Variants in JAG1 observed in about 807,000 individuals in gnomAD.
JAG1 encodes the protein jagged canonical Notch ligand 1.
JAG1 carries 23 observed loss-of-function variants against 148.7 expected under a neutral mutation model. The ratio of observed to expected loss-of-function variants is 0.15; its 90% CI spans 0.11 to 0.22. The LOEUF (loss-of-function observed/expected upper bound fraction) is 0.22, where lower values mean the gene tolerates loss of function less well. Among genes scored for constraint, JAG1 ranks in the 10% least tolerant of loss-of-function variants. JAG1 has a pLI of 1.00. For synonymous variants in JAG1, 572 were observed against 598.3 expected, an observed-to-expected ratio of 0.96 and a Z score of 0.64; for missense variants, 1,054 against 1,611.2, an observed-to-expected ratio of 0.65 and a Z score of 5.92.
chr20:10,666,023 T>G (rs1997814), intron 2 of JAG1, among the ~76,000 whole-genome samples: 111,289 of 151,996 alleles, frequency 0.73, 40,896 homozygotes, highest in Middle Eastern at 0.89. Flanking sequence ...TGATTTTCCA[T>G]GAACTGCCCT....
chr20:10,671,747 A>C (rs1465135577), intron 2 of JAG1, among the ~76,000 whole-genome samples: 1 of 152,158 alleles, frequency 6.6e-6, no homozygotes, highest in Non-Finnish European at 1.5e-5. Flanking sequence ...CCCCTTCTGC[A>C]ATCGCACCCA....
intron 2 of JAG1, 103 bp from the exon 3 acceptor site, chr20:10,664,117 A>C: frequency 1.1e-6 from 1 of 890,462 alleles, no homozygotes; most frequent in Non-Finnish European, 1.9e-6. Context: ...CAAAACCATA[A>C]TGCCAAAATA....
chr20:10,641,778 C>T lies in JAG1; in HGVS notation c.2682+5G>A, dbSNP rs1173608161. 1.2e-6 allele frequency: 2 copies of T among 1,612,624 alleles called. No individual in the cohort carries two copies. On this transcript the variant is annotated splice_donor_5th_base_variant and intron_variant, in intron 22 of 25. Coordinates refer to ENST00000254958, the MANE Select transcript of JAG1 (RefSeq NM_000214.3). ...AGGTGAACTGCGGCAGCCATCATGT[C>T]CTACCTTTGAGCAGGCGATCCGTCC...
Position 10,648,687 on chromosome 20 carries a change from A to G in JAG1, c.1431T>C (p.Pro477=). 1 of 1,614,250 alleles carries G rather than the reference A, an allele frequency of 6.2e-7. No homozygotes were observed. Among genetic ancestry groups the G allele is most frequent in the Non-Finnish European group, 8.5e-7 (1 of 1,180,046 alleles). The stretch of plus-strand genomic sequence containing the variant: ...TCTCACAGTGATCGCCTGCATAGCC[A>G]GGTGGACAGATACAGCGATAACCAT... ...LVNGYRCICP[P]GYAGDHCERD... is the part of the protein sequence containing the mutation. The change falls in exon 12 of 26, where the codon CCT becomes CCC. Residue 477 remains proline (P), a synonymous_variant. Coordinates refer to ENST00000254958, the MANE Select transcript of JAG1 (RefSeq NM_000214.3).
chr20:10,653,069 G>A (rs192560410), intron 5 of JAG1, among the ~76,000 whole-genome samples: 7 of 152,086 alleles, frequency 4.6e-5, no homozygotes, highest in South Asian at 4.2e-4. Flanking sequence ...GCCACCAAGT[G>A]CAGCAGGAAA....
At chr20:10,656,600 G>A (rs2122620756) in intron 4 of JAG1, 142 bp from the exon 5 acceptor site, 3 of 695,678 alleles carry the variant, frequency 4.3e-6, no homozygotes, top group Non-Finnish European at 7.7e-6. Context: ...AGGAGAGGAA[G>A]ATGGGAGGGG....
At chr20:10,655,749 GT>G (rs562779721) in intron 5 of JAG1, among the ~76,000 whole-genome samples, 6 of 152,256 alleles carry the variant, frequency 3.9e-5, no homozygotes, top group African/African-American at 1.4e-4. Flanking sequence ...CCAAACGGGC[GT>G]AATATAAATT....
At chr20:10,646,856 G>T in intron 14 of JAG1, 83 bp downstream of exon 14, 669 of 1,128,156 alleles carry the variant, frequency 5.9e-4, no homozygotes, top group Non-Finnish European at 8.3e-4. Context: ...CAACACCAAT[G>T]ATCCCAGGGT....
Position 10,652,807 on chromosome 20 carries a change from G to T in JAG1, c.756-209C>A, listed in dbSNP as rs949596077. ...CCTCCCAGCCGACTCCTGACAAAAGGAGGGCTGTTTGGGAAGAGGCCAGCA... is the reference window on the plus strand; with the variant it reads ...CCTCCCAGCCGACTCCTGACAAAAGTAGGGCTGTTTGGGAAGAGGCCAGCA... On this transcript the variant is annotated intron_variant, in intron 5 of 25. Transcript: ENST00000254958. 3 of 491,910 alleles carry T rather than the reference G, an allele frequency of 6.1e-6. No individual in the cohort carries two copies. The Admixed American group carries it at 9.4e-5, about 15-fold the overall frequency. The allele number at this position is 491,910 out of a possible 1,614,324, so 30.5% of individuals were successfully genotyped here. A position where few individuals can be genotyped will look rare whatever the true frequency, so the allele number is the denominator to read the frequency against.
intron 6 of JAG1, 39 bp from the exon 7 acceptor site, chr20:10,652,289 G>A (rs1173110975): frequency 1.2e-6 from 2 of 1,611,980 alleles, no homozygotes; most frequent in African/African-American, 1.3e-5. Flanking sequence ...AGACGCCTGT[G>A]AAGATGGCGA....
chr20:10,648,317 G>T (rs1049447055), intron 12 of JAG1, among the ~76,000 whole-genome samples: 1 of 152,176 alleles, frequency 6.6e-6, no homozygotes, highest in Non-Finnish European at 1.5e-5. Context: ...GGGAGCACAA[G>T]AGGGGGTGGA....
In JAG1 at chr20:10,638,075, G is replaced by GGACA. The variant is rs1354793283; in HGVS notation, c.*1419_*1422dup. 1 of 152,592 alleles carries GGACA rather than the reference G, an allele frequency of 6.6e-6. No individual in the cohort carries two copies. Among genetic ancestry groups the GGACA allele is most frequent in the African/African-American group, 2.4e-5 (1 of 41,422 alleles). 9.5% of individuals were successfully genotyped at this position (152,592 alleles called of 1,614,324 possible). ...TTTGTATGTTCATATAACACTAATA[G>GGACA]GACAATACAAAGTATCTTCACGGTC... On this transcript the variant is annotated 3_prime_UTR_variant, in exon 26 of 26. Coordinates refer to ENST00000254958, the MANE Select transcript of JAG1 (RefSeq NM_000214.3).
intron 3 of JAG1, among the ~76,000 whole-genome samples, chr20:10,661,466 G>A (rs939548111): frequency 2.0e-5 from 3 of 152,174 alleles, no homozygotes; most frequent in Non-Finnish European, 4.4e-5. Flanking sequence ...CATGTGCAAA[G>A]GTCCTGAGGC....
In JAG1 at chr20:10,643,872, G is replaced by A; in HGVS notation, c.2373-9C>T. ...AGGTGCCGCTGTTGTAACTAAGAAA[G>A]CAAAGACCACCTTGGTTACCAACCT... On this transcript the variant is annotated splice_polypyrimidine_tract_variant and intron_variant, in intron 19 of 25. Coordinates refer to ENST00000254958, the MANE Select transcript of JAG1 (RefSeq NM_000214.3). 6.2e-7 allele frequency: 1 copy of A among 1,611,288 alleles called. No homozygotes were observed. Among genetic ancestry groups the A allele is most frequent in the Non-Finnish European group, 8.5e-7 (1 of 1,177,772 alleles).
rs776924226 is a variant in JAG1, at chr20:10,658,744, A to C, written c.440-22T>G. 8 of 1,613,236 alleles carry C rather than the reference A, an allele frequency of 5.0e-6. No homozygotes were observed. The African/African-American group carries it at 9.3e-5, about 19-fold the overall frequency. The stretch of plus-strand genomic sequence containing the variant: ...GGTTCTAGAGACAAAGTGATGAATC[A>C]TGTTAATATTCACATTGCAGCCTTC... On this transcript the variant is annotated intron_variant, in intron 3 of 25. Transcript: ENST00000254958.
At position 10,639,561 on chromosome 20, in the gene JAG1, G is replaced by C. The variant is rs772960309; in HGVS notation, c.3594C>G (p.Asn1198Lys). The change falls in exon 26 of 26, where the codon AAC becomes AAG. Residue 1198 changes from asparagine (N) to lysine (K), a missense_variant. Asn to Lys is a moderately conservative substitution (Grantham distance 94). Around this residue, in one of 6 missense-constraint regions of JAG1, gnomAD observed 177 missense variants for 177.3 expected, o/e 1.00. Coordinates refer to ENST00000254958, the MANE Select transcript of JAG1 (RefSeq NM_000214.3). Reference sequence around the variant, plus strand: ...TTTCCAAGTCTCTGTTGTCCTGTTTGTTTGTCCAGTTTGGGTGTTTTGTCG... The same window carrying C: ...TTTCCAAGTCTCTGTTGTCCTGTTTCTTTGTCCAGTTTGGGTGTTTTGTCG... ...GTPTKHPNWT[N>K]KQDNRDLESA... is the part of the protein sequence containing the mutation. The C allele has an allele frequency of 6.2e-7, 1 of 1,614,100 alleles. No homozygotes were observed. Among genetic ancestry groups the C allele is most frequent in the African/African-American group, 1.3e-5 (1 of 74,930 alleles).
At chr20:10,667,353 C>A (rs1041095684) in intron 2 of JAG1, among the ~76,000 whole-genome samples, 2 of 152,170 alleles carry the variant, frequency 1.3e-5, no homozygotes, top group African/African-American at 2.4e-5. Flanking sequence ...TGCTTCCTGT[C>A]GCTTGTCCTG....
At chr20:10,648,933 A>T in intron 11 of JAG1, 128 bp downstream of exon 11, 12 of 942,280 alleles carry the variant, frequency 1.3e-5, no homozygotes, top group Non-Finnish European at 2.0e-5. Flanking sequence ...CCCTAGCGAA[A>T]CTTCCAAGAG....
At chr20:10,661,107 A>G (rs865848921) in intron 3 of JAG1, among the ~76,000 whole-genome samples, 2 of 152,130 alleles carry the variant, frequency 1.3e-5, no homozygotes, top group East Asian at 1.9e-4. Context: ...TTGGAACTCT[A>G]TATACCACAG....
Sources: gnomAD v4.1 joint callset for allele counts (sites outside exome capture counted in the v4.1 genomes callset) on GRCh38, gnomAD v4.1.1 for gene constraint, gnomAD v4.1.1 regional missense constraint, MANE v1.5 for transcripts, NCBI Gene and HGNC (gene_info 2026-07-23, HGNC 2026-07-21) for gene names.